PTPRT: variants seen among roughly 807,000 people sequenced by gnomAD.
The protein encoded by PTPRT is receptor-type tyrosine-protein phosphatase T.
A neutral mutation model predicts 176.8 loss-of-function variants in PTPRT; 56 were observed. The ratio of observed to expected loss-of-function variants is 0.32; its 90% CI spans 0.26 to 0.40. The LOEUF (loss-of-function observed/expected upper bound fraction) is 0.40. PTPRT is among the 10% of genes least tolerant of loss of function. PTPRT has a pLI of 1.00. For synonymous variants in PTPRT, 783 were observed against 739.0 expected (o/e 1.06, Z -0.96); for missense variants, 1,540 against 1,908.2 (o/e 0.81, Z 3.60).
intron 12 of PTPRT, among the ~76,000 whole-genome samples, chr20:42,314,250 T>G (rs1600821421): frequency 1.3e-5 from 2 of 152,218 alleles, no homozygotes; most frequent in South Asian, 4.1e-4. Context: ...ACTTTGGGGC[T>G]GGGCACGGTG....
intron 7 of PTPRT, among the ~76,000 whole-genome samples, chr20:42,666,573 T>G (rs1291942619): frequency 6.6e-6 from 1 of 152,220 alleles, no homozygotes; most frequent in Non-Finnish European, 1.5e-5. Context: ...ATTAAGATTT[T>G]GATTAGAACT....
intron 11 of PTPRT, among the ~76,000 whole-genome samples, chr20:42,319,302 C>A (rs1304395512): frequency 6.6e-6 from 1 of 150,588 alleles, no homozygotes; most frequent in Non-Finnish European, 1.5e-5. Context: ...TCCTACAAAC[C>A]AATAAAACGT....
intron 7 of PTPRT, among the ~76,000 whole-genome samples, chr20:42,515,184 T>C (rs1436945706): frequency 6.6e-6 from 1 of 152,278 alleles, no homozygotes; most frequent in East Asian, 1.9e-4. Flanking sequence ...TAATTTTTTT[T>C]CATAAGAACC....
intron 1 of PTPRT, among the ~76,000 whole-genome samples, chr20:43,090,756 C>T (rs1332749641): frequency 6.6e-6 from 1 of 151,822 alleles, no homozygotes; most frequent in African/African-American, 2.4e-5. Context: ...AAATAACAGA[C>T]ACATGAAAGA....
chr20:42,828,314 A>C (rs2078030682), intron 2 of PTPRT, among the ~76,000 whole-genome samples: 1 of 152,198 alleles, frequency 6.6e-6, no homozygotes, highest in Non-Finnish European at 1.5e-5. Flanking sequence ...GAGAGAGATA[A>C]TTTAGGGTAT....
intron 13 of PTPRT, among the ~76,000 whole-genome samples, chr20:42,263,302 C>T (rs902703872): frequency 8.6e-5 from 13 of 151,428 alleles, no homozygotes; most frequent in African/African-American, 3.2e-4. Flanking sequence ...TCACTTTAGC[C>T]TCAACCTCCT....
chr20:42,407,297 C>A (rs1031950410), intron 9 of PTPRT, among the ~76,000 whole-genome samples: 5 of 152,126 alleles, frequency 3.3e-5, no homozygotes, highest in African/African-American at 9.7e-5. Flanking sequence ...ACAGTTTGAA[C>A]CCTTGTATCA....
chr20:42,620,328 C>A (rs1023768715), intron 7 of PTPRT, among the ~76,000 whole-genome samples: 5 of 149,014 alleles, frequency 3.4e-5, no homozygotes, highest in African/African-American at 5.1e-5. Context: ...GCTGGGAGAA[C>A]CACTGCTCTC....
intron 1 of PTPRT, among the ~76,000 whole-genome samples, chr20:42,914,830 A>G (rs1179417773): frequency 6.6e-6 from 1 of 152,084 alleles, no homozygotes; most frequent in Non-Finnish European, 1.5e-5. Flanking sequence ...GCTGGGCAAT[A>G]AGGGCTTATT....
chr20:42,978,370 G>A (rs1016223972), intron 1 of PTPRT, among the ~76,000 whole-genome samples: 1 of 152,152 alleles, frequency 6.6e-6, no homozygotes, highest in Admixed American at 6.5e-5. Context: ...ACCACAGAAA[G>A]CAAAACTGAG....
intron 7 of PTPRT, among the ~76,000 whole-genome samples, chr20:42,489,152 C>T (rs1372365641): frequency 6.6e-6 from 1 of 151,528 alleles, no homozygotes; most frequent in Non-Finnish European, 1.5e-5. Context: ...GCACAACCTG[C>T]AGGTTAGTTA....
intron 9 of PTPRT, among the ~76,000 whole-genome samples, chr20:42,438,889 A>G (rs2059286922): frequency 2.0e-5 from 3 of 152,206 alleles, no homozygotes; most frequent in Admixed American, 6.5e-5. Flanking sequence ...AAACACCCCA[A>G]GGCAAATACA....
chr20:42,068,834 G>A (rs545882838), downstream of PTPRT, among the ~76,000 whole-genome samples: 50 of 152,320 alleles, frequency 3.3e-4, 1 homozygote, highest in African/African-American at 1.2e-3. Context: ...AGTGGGATGG[G>A]ATGGAGTCAG....
chr20:43,185,652 G>A (rs967551502), intron 1 of PTPRT, among the ~76,000 whole-genome samples: 1 of 152,156 alleles, frequency 6.6e-6, no homozygotes, highest in Admixed American at 6.5e-5. Context: ...GAGGAAAACT[G>A]GGTGGGCATG....
At chr20:42,900,314 C>G (rs978066556) in intron 1 of PTPRT, among the ~76,000 whole-genome samples, 4 of 152,168 alleles carry the variant, frequency 2.6e-5, no homozygotes, top group Non-Finnish European at 4.4e-5. Context: ...AGGCCCCTTC[C>G]TCAGTAATAA....
intron 11 of PTPRT, among the ~76,000 whole-genome samples, chr20:42,341,634 C>T (rs1186337848): frequency 6.6e-6 from 1 of 152,114 alleles, no homozygotes; most frequent in Admixed American, 6.5e-5. Context: ...TCATCCACTC[C>T]CCTCCATACT....
chr20:42,330,472 T>A (rs569051785), intron 11 of PTPRT, among the ~76,000 whole-genome samples: 65 of 151,896 alleles, frequency 4.3e-4, no homozygotes, highest in African/African-American at 1.5e-3. Context: ...TGAGACTCCA[T>A]CTCAAAAAAA....
chr20:42,732,527 G>T (rs1451831264), intron 6 of PTPRT, among the ~76,000 whole-genome samples: 1 of 152,200 alleles, frequency 6.6e-6, no homozygotes, highest in Non-Finnish European at 1.5e-5. Context: ...TTCACAGAGA[G>T]GATGACATCT....
At chr20:42,606,314 C>A (rs2073876853) in intron 7 of PTPRT, among the ~76,000 whole-genome samples, 1 of 152,194 alleles carries the variant, frequency 6.6e-6, no homozygotes. Flanking sequence ...GCCAGCCCAG[C>A]AGATCTGGGA....
Sources: allele counts gnomAD v4.1 joint callset (sites outside exome capture counted in the v4.1 genomes callset), GRCh38; gene constraint gnomAD v4.1.1; transcripts MANE v1.5; gene names NCBI Gene and HGNC (gene_info 2026-07-23, HGNC 2026-07-21).